AHI1: variants seen among roughly 807,000 people sequenced by gnomAD.
AHI1 encodes jouberin.
Under a neutral mutation model 149.3 loss-of-function variants are expected in AHI1, and 123 were observed. The observed-to-expected ratio is 0.82, with a 90% CI of 0.71 to 0.96. The LOEUF (loss-of-function observed/expected upper bound fraction) is 0.96, where lower values mean the gene tolerates loss of function less well. AHI1 is among the 40% of genes least tolerant of loss of function. AHI1 has a pLI of 0.00. For synonymous variants in AHI1, 475 were observed against 459.8 expected (o/e 1.03, Z -0.42); for missense variants, 1,439 against 1,422.7 (o/e 1.01, Z -0.18).
At chr6:135,387,292 A>G (rs1777748398) in intron 23 of AHI1, among the ~76,000 whole-genome samples, 1 of 152,208 alleles carries the variant, frequency 6.6e-6, no homozygotes. Context: ...GAGATGGTCA[A>G]ATTCTAAGAG....
intron 10 of AHI1, among the ~76,000 whole-genome samples, chr6:135,455,315 CT>C (rs1252393705): frequency 6.6e-6 from 1 of 152,182 alleles, no homozygotes; most frequent in Non-Finnish European, 1.5e-5. Context: ...ACATATTAAA[CT>C]GCATTAACTG....
At position 135,474,237 on chromosome 6, in the gene AHI1, T is replaced by C. The variant is rs554136005; in HGVS notation, c.136-6603A>G. Among the ~76,000 whole-genome samples, 8 of 152,318 alleles carry C rather than the reference T, an allele frequency of 5.3e-5. No individual in the cohort carries two copies. The South Asian group carries it at 1.4e-3, about 28-fold the overall frequency. On this transcript the variant is annotated intron_variant, in intron 5 of 28. Coordinates refer to ENST00000265602, the MANE Select transcript of AHI1 (RefSeq NM_001134831.2). ...GTAACTTCTAGTAGCACTTTTTTTG[T>C]AGATTTTTTTGGGATATTAACATAG...
At position 135,326,490 on chromosome 6, in the gene AHI1, T is replaced by A. The variant is rs1484551830; in HGVS notation, c.3166-3166A>T. 6.6e-5 allele frequency among the ~76,000 whole-genome samples: 10 copies of A among 152,306 alleles called. No individual in the cohort carries two copies. The East Asian group carries it at 1.7e-3, about 26-fold the overall frequency. Reference sequence around the variant, plus strand: ...TACAAGTGGTTTCTGGTTACATGGATGAATTGTACAGTGGTGAAGTCTGGG... The same window carrying A: ...TACAAGTGGTTTCTGGTTACATGGAAGAATTGTACAGTGGTGAAGTCTGGG... On this transcript the variant is annotated intron_variant, in intron 24 of 28. Transcript: ENST00000265602.
chr6:135,342,554 TG>T (rs1449677980), intron 24 of AHI1, among the ~76,000 whole-genome samples: 15 of 151,898 alleles, frequency 9.9e-5, no homozygotes, highest in East Asian at 9.6e-4. Flanking sequence ...TCATAACAAG[TG>T]GGATTTGTCA....
intron 24 of AHI1, among the ~76,000 whole-genome samples, chr6:135,347,287 T>C (rs1173486208): frequency 6.6e-6 from 1 of 152,216 alleles, no homozygotes; most frequent in Non-Finnish European, 1.5e-5. Context: ...TGAGATAATA[T>C]ATAGTATGTA....
chr6:135,439,852 G>C (rs923577553), intron 14 of AHI1, among the ~76,000 whole-genome samples: 1 of 152,016 alleles, frequency 6.6e-6, no homozygotes, highest in Non-Finnish European at 1.5e-5. Flanking sequence ...ATACCCTATG[G>C]AAAAAGAGGG....
At chr6:135,295,319 G>T (rs1466185181) in intron 27 of AHI1, among the ~76,000 whole-genome samples, 1 of 152,134 alleles carries the variant, frequency 6.6e-6, no homozygotes, top group Non-Finnish European at 1.5e-5. Context: ...ACTGTAAAAA[G>T]GTAAAACCGT....
At chr6:135,479,483 A>G (rs529336272) in intron 5 of AHI1, among the ~76,000 whole-genome samples, 1 of 152,360 alleles carries the variant, frequency 6.6e-6, no homozygotes, top group Admixed American at 6.5e-5. Flanking sequence ...CTGGACTTGC[A>G]TGGGGCCTAT....
chr6:135,315,654 G>A (rs546097343), intron 26 of AHI1, among the ~76,000 whole-genome samples: 50 of 152,080 alleles, frequency 3.3e-4, no homozygotes, highest in Non-Finnish European at 6.2e-4. Flanking sequence ...GTAGATTTAT[G>A]CCACCTCCAT....
At chr6:135,463,691 G>C (rs1790288634) in intron 7 of AHI1, among the ~76,000 whole-genome samples, 1 of 152,074 alleles carries the variant, frequency 6.6e-6, no homozygotes, top group East Asian at 1.9e-4. Context: ...GGTATAAAAA[G>C]TATTCTAGGT....
chr6:135,459,923 A>G (rs1001273781), intron 8 of AHI1, among the ~76,000 whole-genome samples: 2 of 152,158 alleles, frequency 1.3e-5, no homozygotes, highest in Non-Finnish European at 2.9e-5. Flanking sequence ...GGGCCGCGAT[A>G]GCTCACATCT....
intron 25 of AHI1, among the ~76,000 whole-genome samples, chr6:135,320,587 G>A (rs1313605263): frequency 6.6e-6 from 1 of 152,124 alleles, no homozygotes; most frequent in African/African-American, 2.4e-5. Context: ...TGCTGCATCT[G>A]GCCTCATTAG....
intron 24 of AHI1, among the ~76,000 whole-genome samples, chr6:135,330,584 G>A (rs574588873): frequency 2.6e-5 from 4 of 152,270 alleles, no homozygotes; most frequent in African/African-American, 9.6e-5. Context: ...GATATTCACG[G>A]TATTGCAGTG....
intron 26 of AHI1, chr6:135,301,213 A>T (rs773925762): frequency 2.0e-6 from 2 of 984,566 alleles, no homozygotes; most frequent in East Asian, 1.1e-4. Flanking sequence ...TGTTGCTATA[A>T]AACGAATTGC....
chr6:135,452,453 T>G (rs1026625366), intron 11 of AHI1, among the ~76,000 whole-genome samples: 4 of 152,204 alleles, frequency 2.6e-5, no homozygotes, highest in Non-Finnish European at 4.4e-5. Context: ...ACAAAGACAT[T>G]TTTTACCTAG....
intron 23 of AHI1, among the ~76,000 whole-genome samples, chr6:135,376,986 T>C (rs986390414): frequency 1.4e-5 from 2 of 145,774 alleles, no homozygotes; most frequent in Non-Finnish European, 3.0e-5. Flanking sequence ...GATTAACTGA[T>C]ATTAATGACA....
chr6:135,300,655 G>T, intron 26 of AHI1, 97 bp from the exon 27 acceptor site: 1 of 1,531,608 alleles, frequency 6.5e-7, no homozygotes, highest in Non-Finnish European at 8.8e-7. Flanking sequence ...TTCCTGAATG[G>T]GGAGAGAATA....
chr6:135,479,817 G>C (rs1793315709), intron 5 of AHI1, among the ~76,000 whole-genome samples: 1 of 152,180 alleles, frequency 6.6e-6, no homozygotes, highest in African/African-American at 2.4e-5. Flanking sequence ...ATTACCACAT[G>C]TTGAAAGAGG....
intron 20 of AHI1, among the ~76,000 whole-genome samples, chr6:135,424,298 C>T (rs1783637703): frequency 6.6e-6 from 1 of 151,842 alleles, no homozygotes; most frequent in African/African-American, 2.4e-5. Context: ...AGGTAAAATG[C>T]TTAAAACAGA....
Sources: gnomAD v4.1 joint callset for allele counts (sites outside exome capture counted in the v4.1 genomes callset) on GRCh38, gnomAD v4.1.1 for gene constraint, MANE v1.5 for transcripts, NCBI Gene and HGNC (gene_info 2026-07-23, HGNC 2026-07-21) for gene names.